Variants in TCAIM observed in about 807,000 individuals in gnomAD.
TCAIM encodes T-cell activation inhibitor, mitochondrial.
In TCAIM, 36 loss-of-function variants were observed where a neutral mutation model predicts 58.6. That is an observed-to-expected ratio of 0.61 (90% CI 0.47 to 0.81). The LOEUF is 0.81. Ranked by LOEUF, TCAIM falls within the 30% of genes least tolerant of loss-of-function variation. TCAIM has a pLI of 0.00. For synonymous variants in TCAIM, 172 were observed against 193.6 expected (o/e 0.89, Z 0.93); for missense variants, 466 against 579.6 (o/e 0.80, Z 2.01).
intron 5 of TCAIM, among the ~76,000 whole-genome samples, chr3:44,379,123 G>A (rs969822049): frequency 1.3e-5 from 2 of 151,834 alleles, no homozygotes; most frequent in Admixed American, 1.3e-4. Flanking sequence ...TGCATGCAGA[G>A]ATTGCAGTGA....
intron 1 of TCAIM, chr3:44,340,527 A>G (rs1203740819): frequency 6.6e-6 from 1 of 152,380 alleles, no homozygotes; most frequent in African/African-American, 2.4e-5. Flanking sequence ...AACTAATTCA[A>G]GCAAAAACTT....
intron 9 of TCAIM, 139 bp downstream of exon 9, chr3:44,400,726 C>T (rs574985231): frequency 1.4e-6 from 1 of 709,746 alleles, no homozygotes; most frequent in South Asian, 1.7e-5. Context: ...GTGTTAGCAA[C>T]CCTCTTCTAC....
In TCAIM at chr3:44,373,578, C is replaced by T. The variant is rs142132386; in HGVS notation, c.572+5870C>T. On this transcript the variant is annotated intron_variant, in intron 5 of 10. Coordinates refer to ENST00000342649, the MANE Select transcript of TCAIM (RefSeq NM_173826.4). Reference sequence around the variant, plus strand: ...CTGAGGCAGGAGAACTGCTTGAACCCGGGAGGCAGAGATTGCAGTGAACCA... The same window carrying T: ...CTGAGGCAGGAGAACTGCTTGAACCTGGGAGGCAGAGATTGCAGTGAACCA... Among the ~76,000 whole-genome samples the T allele has an allele frequency of 2.9e-4, 44 of 151,924 alleles. No individual in the cohort carries two copies. In the East Asian group the frequency reaches 7.3e-3, roughly 25 times the overall value.
rs972815485 is a variant in TCAIM, at chr3:44,358,654, A to C, written c.165+778A>C. ...AATACTACACTATTTTATATGAGAG[A>C]CTTGAGCATTCGCAGATTTCGGTAT... On this transcript the variant is annotated intron_variant, in intron 3 of 10. Transcript: ENST00000342649. The C allele has an allele frequency of 8.9e-6, 6 of 673,486 alleles. No homozygotes were observed. In the South Asian group the frequency reaches 2.5e-4, roughly 28 times the overall value. The allele number at this position is 673,486 out of a possible 1,614,324, so 41.7% of individuals were successfully genotyped here. A position where few individuals can be genotyped will look rare whatever the true frequency, so the allele number is the denominator to read the frequency against.
intron 5 of TCAIM, among the ~76,000 whole-genome samples, chr3:44,377,020 G>A (rs1701576289): frequency 6.6e-6 from 1 of 152,148 alleles, no homozygotes; most frequent in Non-Finnish European, 1.5e-5. Flanking sequence ...AACCTGGGAG[G>A]CGGAGCTTGC....
At chr3:44,365,851 C>T (rs1701365884) in intron 4 of TCAIM, among the ~76,000 whole-genome samples, 1 of 152,132 alleles carries the variant, frequency 6.6e-6, no homozygotes, top group South Asian at 2.1e-4. Flanking sequence ...TAAATTGCCA[C>T]ATGTGCTAGT....
Position 44,352,800 on chromosome 3 carries a change from G to A in TCAIM, c.-44-1939G>A, listed in dbSNP as rs184011670. 2.5e-4 allele frequency among the ~76,000 whole-genome samples: 38 copies of A among 151,934 alleles called. No individual in the cohort carries two copies. The East Asian group carries it at 3.1e-3, about 12-fold the overall frequency. ...CTCTGCCTGTTCATCCCTCCCTATC[G>A]ATTAACCACAGATCTTTTTATACTG... On this transcript the variant is annotated intron_variant, in intron 1 of 10. Transcript: ENST00000342649.
chr3:44,404,064 G>T (rs1484344927), intron 10 of TCAIM, among the ~76,000 whole-genome samples: 1 of 152,030 alleles, frequency 6.6e-6, no homozygotes, highest in Non-Finnish European at 1.5e-5. Flanking sequence ...CCTTTTTATA[G>T]TCCTCGGGCA....
chr3:44,396,554 A>G, intron 7 of TCAIM, 57 bp downstream of exon 7: 2 of 1,530,904 alleles, frequency 1.3e-6, no homozygotes, highest in Non-Finnish European at 1.8e-6. Context: ...ACGTCTATAA[A>G]TTTTAATGGA....
chr3:44,406,074 G>C lies in TCAIM; in HGVS notation c.1251-1368G>C, dbSNP rs544948532. Reference sequence around the variant, plus strand: ...ACCCTGGGCAACCTTAACAAGGGCTGCCTTCTCAATGCTTCTCTAAGATTG... The same window carrying C: ...ACCCTGGGCAACCTTAACAAGGGCTCCCTTCTCAATGCTTCTCTAAGATTG... On this transcript the variant is annotated intron_variant, in intron 10 of 10. Transcript: ENST00000342649. Among the ~76,000 whole-genome samples the C allele has an allele frequency of 2.0e-5, 3 of 152,272 alleles. No homozygotes were observed. In the East Asian group the frequency reaches 5.8e-4, roughly 29 times the overall value.
chr3:44,346,190 C>T (rs1025005115), intron 1 of TCAIM, among the ~76,000 whole-genome samples: 5 of 152,078 alleles, frequency 3.3e-5, no homozygotes, highest in East Asian at 1.9e-4. Flanking sequence ...TTACCTTTTC[C>T]GAAGATTGAG....
At chr3:44,362,710 C>A (rs1701312309) in intron 4 of TCAIM, 3 of 300,332 alleles carry the variant, frequency 1.0e-5, no homozygotes, top group Non-Finnish European at 6.1e-6. Context: ...CTGAAGAATG[C>A]TGTAAATAAT....
chr3:44,338,267 T>A (rs1700759232), upstream of TCAIM: 1 of 152,342 alleles, frequency 6.6e-6, no homozygotes, highest in Non-Finnish European at 1.5e-5. Context: ...GAGTGCTCGC[T>A]CGCGCCTCCT....
intron 2 of TCAIM, among the ~76,000 whole-genome samples, chr3:44,356,811 C>CAA (rs1297782768): frequency 2.7e-4 from 19 of 69,856 alleles, no homozygotes; most frequent in South Asian, 9.2e-4. Context: ...ACTAAAAATA[C>CAA]AAAAAAAAAA....
chr3:44,358,741 C>T (rs977884038), intron 3 of TCAIM: 1 of 985,600 alleles, frequency 1.0e-6, no homozygotes, highest in African/African-American at 1.7e-5. Flanking sequence ...TATTACAAAG[C>T]CACATGCTTT....
At chr3:44,358,831 A>C in intron 3 of TCAIM, 1 of 985,400 alleles carries the variant, frequency 1.0e-6, no homozygotes, top group Non-Finnish European at 1.2e-6. Context: ...AATCTTGAAA[A>C]TTAGAACATC....
chr3:44,394,925 TATATATATATATATA>T (rs1701908624), intron 6 of TCAIM, among the ~76,000 whole-genome samples: 1 of 21,782 alleles, frequency 4.6e-5, no homozygotes, highest in African/African-American at 2.0e-4. Context: ...AAAAAAAATA[TATATATATATATATA>T]TATATATATA....
intron 5 of TCAIM, among the ~76,000 whole-genome samples, chr3:44,379,486 A>G (rs565745879): frequency 2.8e-4 from 42 of 152,312 alleles, no homozygotes; most frequent in African/African-American, 1.0e-3. Flanking sequence ...CCATCAATGG[A>G]CTGGGACTGG....
rs1400037432 is a variant in TCAIM at position 44,361,495 on chromosome 3, G to A, written c.296G>A (p.Gly99Asp). 1 of 1,601,608 alleles carries A rather than the reference G, an allele frequency of 6.2e-7. No homozygotes were observed. The highest frequency in any genetic ancestry group is 8.5e-7 in the Non-Finnish European group (1 of 1,175,414). Residue 99 changes from glycine (G) to aspartate (D), a missense_variant, in exon 4 of 11, where the codon GGC (glycine) becomes GAC (aspartate). Coordinates refer to ENST00000342649, the MANE Select transcript of TCAIM (RefSeq NM_173826.4). The stretch of plus-strand genomic sequence containing the variant: ...GAAACAGACCAGAGTTCCTCCGATG[G>A]CCAGGAACCTTTTAGTACTTCCGGT... ...VRETDQSSSD[G>D]QEPFSTSGFR...
Sources: allele counts gnomAD v4.1 joint callset (sites outside exome capture counted in the v4.1 genomes callset), GRCh38; gene constraint gnomAD v4.1.1; transcripts MANE v1.5; gene names NCBI Gene and HGNC (gene_info 2026-07-23, HGNC 2026-07-21).